NFIA: variants seen among roughly 807,000 people sequenced by gnomAD.
NFIA encodes the protein nuclear factor 1 A-type.
Under a neutral mutation model 62.8 loss-of-function variants are expected in NFIA, and 8 were observed. That is an observed-to-expected ratio of 0.13 (90% CI 0.07 to 0.23). NFIA has a LOEUF of 0.23. Ranked by LOEUF, NFIA falls within the 10% of genes least tolerant of loss-of-function variation. NFIA has a pLI of 1.00. For missense variants in NFIA, 410 were observed against 642.1 expected, an observed-to-expected ratio of 0.64 and a Z score of 3.91; for synonymous variants, 235 against 238.1, an observed-to-expected ratio of 0.99 and a Z score of 0.12.
At chr1:61,227,609 T>G (rs1570415621) in intron 2 of NFIA, among the ~76,000 whole-genome samples, 1 of 152,314 alleles carries the variant, frequency 6.6e-6, no homozygotes, top group South Asian at 2.1e-4. Flanking sequence ...CAGCCTAAGT[T>G]TTTGCCCCCA....
intron 2 of NFIA, among the ~76,000 whole-genome samples, chr1:61,215,464 TA>T (rs35639143): frequency 0.076 from 11,101 of 146,966 alleles, 503 homozygotes; most frequent in East Asian, 0.2. Flanking sequence ...TAGAACTAGT[TA>T]AAAAAAAAAA....
chr1:61,252,901 C>T (rs761982007), intron 2 of NFIA, among the ~76,000 whole-genome samples: 2 of 152,142 alleles, frequency 1.3e-5, no homozygotes, highest in Non-Finnish European at 2.9e-5. Context: ...TATTCCTACT[C>T]TTTACAGAGT....
intron 2 of NFIA, among the ~76,000 whole-genome samples, chr1:61,185,655 T>C (rs1393349623): frequency 6.6e-6 from 1 of 151,558 alleles, no homozygotes; most frequent in Non-Finnish European, 1.5e-5. Context: ...TTTTTTTTTT[T>C]TAACCGTGAC....
chr1:61,078,157 T>G (rs1200353043), upstream of NFIA, among the ~76,000 whole-genome samples: 2 of 151,960 alleles, frequency 1.3e-5, no homozygotes, highest in Non-Finnish European at 2.9e-5. Context: ...GCAGAGGAGA[T>G]CTGAAGTTCT....
chr1:61,133,166 C>T (rs1294238979), intron 2 of NFIA: 1 of 151,804 alleles, frequency 6.6e-6, no homozygotes, highest in Non-Finnish European at 1.5e-5. Flanking sequence ...GCATGTGAAC[C>T]AATGTGTAAC....
At chr1:61,306,269 CTTTTTTT>C (rs774297484) in intron 3 of NFIA, among the ~76,000 whole-genome samples, 3 of 60,626 alleles carry the variant, frequency 4.9e-5, no homozygotes, top group East Asian at 7.1e-4. Flanking sequence ...AGATTTTGTT[CTTTTTTT>C]TTTTTTTTTT....
intron 9 of NFIA, among the ~76,000 whole-genome samples, chr1:61,410,433 G>C (rs1394457605): frequency 6.6e-6 from 1 of 152,140 alleles, no homozygotes; most frequent in Non-Finnish European, 1.5e-5. Flanking sequence ...CAGCTTATGA[G>C]AGCTCAACTT....
chr1:61,295,370 C>T (rs2782547), intron 3 of NFIA, among the ~76,000 whole-genome samples: 68,849 of 151,988 alleles, frequency 0.45, 18,622 homozygotes, highest in Admixed American at 0.64. Flanking sequence ...AAAAGAAAGG[C>T]AATGTCCACC....
intron 10 of NFIA, among the ~76,000 whole-genome samples, chr1:61,431,208 C>G (rs2100560499): frequency 6.6e-6 from 1 of 152,202 alleles, no homozygotes; most frequent in Non-Finnish European, 1.5e-5. Context: ...AAATGAGAAC[C>G]ATTAAGAGGA....
intron 8 of NFIA, among the ~76,000 whole-genome samples, chr1:61,405,715 A>T (rs1254160308): frequency 6.6e-6 from 1 of 152,164 alleles, no homozygotes; most frequent in African/African-American, 2.4e-5. Flanking sequence ...TTGCATTTTG[A>T]TCAGAATTTT....
At chr1:61,319,418 G>C (rs1200663173) in intron 3 of NFIA, among the ~76,000 whole-genome samples, 2 of 152,120 alleles carry the variant, frequency 1.3e-5, no homozygotes, top group Non-Finnish European at 2.9e-5. Context: ...ATTCATCACA[G>C]ATATACTGAG....
intron 10 of NFIA, among the ~76,000 whole-genome samples, chr1:61,453,077 G>C (rs1450969630): frequency 6.6e-6 from 1 of 152,200 alleles, no homozygotes; most frequent in East Asian, 1.9e-4. Flanking sequence ...GAGAAAGACA[G>C]ATTAATTAAA....
chr1:61,116,231 C>A (rs1041148963), intron 2 of NFIA, among the ~76,000 whole-genome samples: 1 of 152,068 alleles, frequency 6.6e-6, no homozygotes, highest in African/African-American at 2.4e-5. Context: ...TTTGAGGAAG[C>A]CCTTGTATAC....
At chr1:61,277,658 A>T in intron 3 of NFIA, 73 bp downstream of exon 3, 2 of 1,489,144 alleles carry the variant, frequency 1.3e-6, no homozygotes, top group Non-Finnish European at 1.9e-6. Context: ...AAGTGTGAGG[A>T]TTTGGGGGCC....
At chr1:61,376,278 A>G (rs1244968450) in intron 6 of NFIA, among the ~76,000 whole-genome samples, 1 of 152,180 alleles carries the variant, frequency 6.6e-6, no homozygotes, top group Non-Finnish European at 1.5e-5. Flanking sequence ...AGGCTTGGAC[A>G]CTATCAACAA....
intron 2 of NFIA, among the ~76,000 whole-genome samples, chr1:61,184,644 A>T (rs1201535772): frequency 6.6e-6 from 1 of 152,238 alleles, no homozygotes; most frequent in Admixed American, 6.5e-5. Context: ...CTTCTGACCA[A>T]ACAAGCTAGA....
At chr1:61,204,530 C>T (rs1328257504) in intron 2 of NFIA, among the ~76,000 whole-genome samples, 2 of 151,866 alleles carry the variant, frequency 1.3e-5, no homozygotes, top group Admixed American at 1.3e-4. Flanking sequence ...TCTATGCAAT[C>T]CTGGATGGTT....
At chr1:61,206,228 G>T (rs1652891178) in intron 2 of NFIA, among the ~76,000 whole-genome samples, 1 of 152,036 alleles carries the variant, frequency 6.6e-6, no homozygotes, top group South Asian at 2.1e-4. Context: ...ATAAAATTTT[G>T]TAATATGAGG....
rs76256323 is a variant in NFIA at position 61,389,545 on chromosome 1, C to A, written c.1075+6180C>A. 7.0e-3 allele frequency among the ~76,000 whole-genome samples: 1,068 copies of A among 151,912 alleles called. 9 individuals carry two copies. Among genetic ancestry groups the A allele is most frequent in the African/African-American group, 0.024 (1,002 of 41,186 alleles). ...ATGAGAAATCTGAGCTAGCCAGAACCAAGACCAGAAATCAAGTCTCTAGTT... is the reference window on the plus strand; with the variant it reads ...ATGAGAAATCTGAGCTAGCCAGAACAAAGACCAGAAATCAAGTCTCTAGTT... On this transcript the variant is annotated intron_variant, in intron 7 of 10. Transcript: ENST00000403491.
Sources: gnomAD v4.1 joint callset for allele counts (sites outside exome capture counted in the v4.1 genomes callset) on GRCh38, gnomAD v4.1.1 for gene constraint, MANE v1.5 for transcripts, NCBI Gene and HGNC (gene_info 2026-07-23, HGNC 2026-07-21) for gene names.